Variants in TENM2 observed in about 807,000 individuals in gnomAD.
The protein encoded by TENM2 is teneurin-2.
TENM2 carries 52 observed loss-of-function variants against 245.2 expected under a neutral mutation model. The observed-to-expected ratio is 0.21, with a 90% CI of 0.17 to 0.27. TENM2 has a LOEUF of 0.27. TENM2 is among the 10% of genes least tolerant of loss of function. The pLI is 1.00. For missense variants in TENM2, 3,046 were observed against 3,666.8 expected, an observed-to-expected ratio of 0.83 and a Z score of 4.37; for synonymous variants, 1,363 against 1,438.9, an observed-to-expected ratio of 0.95 and a Z score of 1.19.
chr5:167,317,388 A>G (rs1350941979), intron 1 of TENM2, among the ~76,000 whole-genome samples: 1 of 152,058 alleles, frequency 6.6e-6, no homozygotes, highest in Non-Finnish European at 1.5e-5. Flanking sequence ...TCATCCTACC[A>G]TAGAATGGAG....
chr5:167,786,086 C>T (rs1299140516), intron 2 of TENM2, among the ~76,000 whole-genome samples: 1 of 152,164 alleles, frequency 6.6e-6, no homozygotes, highest in Non-Finnish European at 1.5e-5. Flanking sequence ...TCAGAATTTC[C>T]CAATCTTTTC....
chr5:167,478,866 C>G (rs1289615908), intron 2 of TENM2, among the ~76,000 whole-genome samples: 1 of 152,258 alleles, frequency 6.6e-6, no homozygotes, highest in East Asian at 1.9e-4. Flanking sequence ...TAGCCCCACC[C>G]CTTAATGTTC....
At chr5:168,084,495 G>T (rs1376419270) in intron 7 of TENM2, among the ~76,000 whole-genome samples, 1 of 152,174 alleles carries the variant, frequency 6.6e-6, no homozygotes, top group Non-Finnish European at 1.5e-5. Context: ...TTTACATTTT[G>T]ATAGAGGTAT....
chr5:167,851,720 A>G (rs1770596131), intron 2 of TENM2, among the ~76,000 whole-genome samples: 6 of 152,162 alleles, frequency 3.9e-5, no homozygotes, highest in Admixed American at 3.9e-4. Context: ...TCTGCTGAGG[A>G]CCGCCAGAGA....
chr5:167,266,921 T>G, the TENM2 span, among the ~76,000 whole-genome samples: 6 of 152,190 alleles, frequency 3.9e-5, no homozygotes, highest in African/African-American at 9.6e-5. Flanking sequence ...TATCTTCAGT[T>G]GTGGTGTGTG....
the TENM2 span, among the ~76,000 whole-genome samples, chr5:166,998,899 T>C: frequency 3.3e-5 from 5 of 151,998 alleles, no homozygotes; most frequent in Non-Finnish European, 7.4e-5. Context: ...TGCTTCAAAA[T>C]AATATTAGGA....
intron 7 of TENM2, among the ~76,000 whole-genome samples, chr5:168,072,778 C>A (rs370100301): frequency 6.6e-6 from 1 of 152,144 alleles, no homozygotes; most frequent in South Asian, 2.1e-4. Context: ...ATGGTAAGCA[C>A]CCCATGGAGA....
intron 20 of TENM2, among the ~76,000 whole-genome samples, chr5:168,212,320 C>A (rs1396031557): frequency 6.6e-6 from 1 of 152,144 alleles, no homozygotes; most frequent in Non-Finnish European, 1.5e-5. Flanking sequence ...TTTGTCAAAA[C>A]CGCCTTGGTC....
At chr5:167,078,254 C>A in the TENM2 span, among the ~76,000 whole-genome samples, 1 of 151,936 alleles carries the variant, frequency 6.6e-6, no homozygotes, top group Admixed American at 6.6e-5. Context: ...GAGGCTAAGA[C>A]GGGTGGATCT....
intron 19 of TENM2, 78 bp downstream of exon 21, chr5:168,204,699 G>A: frequency 1.3e-6 from 2 of 1,540,936 alleles, no homozygotes; most frequent in South Asian, 1.2e-5. Context: ...AACTGGGGCT[G>A]CATTTGGGAT....
chr5:167,668,042 TG>T (rs1254824008), intron 2 of TENM2, among the ~76,000 whole-genome samples: 1 of 152,196 alleles, frequency 6.6e-6, no homozygotes, highest in Non-Finnish European at 1.5e-5. Context: ...CATTGGCCCT[TG>T]ATGGCACAAT....
intron 5 of TENM2, among the ~76,000 whole-genome samples, chr5:168,011,075 T>C (rs982813886): frequency 6.6e-6 from 1 of 152,222 alleles, no homozygotes; most frequent in Non-Finnish European, 1.5e-5. Context: ...AGTCCAAATA[T>C]TATCACTCCT....
intron 2 of TENM2, among the ~76,000 whole-genome samples, chr5:167,507,237 T>C (rs553860460): frequency 5.3e-5 from 8 of 152,338 alleles, no homozygotes; most frequent in African/African-American, 1.9e-4. Flanking sequence ...TTTTAAACTG[T>C]ATTACCCATA....
At chr5:166,995,575 T>C in the TENM2 span, among the ~76,000 whole-genome samples, 2 of 151,934 alleles carry the variant, frequency 1.3e-5, no homozygotes, top group African/African-American at 4.8e-5. Flanking sequence ...AATGGTTGAA[T>C]GAGTTAGGAG....
chr5:167,971,027 G>A (rs965226167), intron 4 of TENM2, among the ~76,000 whole-genome samples: 2 of 152,206 alleles, frequency 1.3e-5, no homozygotes, highest in African/African-American at 4.8e-5. Context: ...TAAAAGCAGT[G>A]TTACAATGGG....
chr5:168,227,549 A>AAT (rs1434588891), intron 24 of TENM2, among the ~76,000 whole-genome samples: 3 of 149,900 alleles, frequency 2.0e-5, no homozygotes, highest in African/African-American at 7.3e-5. Flanking sequence ...TATAAGCTAA[A>AAT]ATATATATGT....
chr5:167,622,821 G>A (rs888311167), intron 2 of TENM2, among the ~76,000 whole-genome samples: 1 of 152,092 alleles, frequency 6.6e-6, no homozygotes. Context: ...CAGGAGGGTG[G>A]GGATTCCTTC....
At chr5:167,466,687 T>C (rs1234363913) in intron 2 of TENM2, among the ~76,000 whole-genome samples, 2 of 152,226 alleles carry the variant, frequency 1.3e-5, no homozygotes, top group African/African-American at 2.4e-5. Context: ...ATATTATTTT[T>C]AATGGAAAAT....
At chr5:167,476,602 G>GT (rs921194458) in intron 2 of TENM2, among the ~76,000 whole-genome samples, 7 of 151,960 alleles carry the variant, frequency 4.6e-5, no homozygotes, top group Admixed American at 1.3e-4. Flanking sequence ...TTGTTTTTTT[G>GT]TTTTTTTGTT....
Sources: gnomAD v4.1 joint callset for allele counts (sites outside exome capture counted in the v4.1 genomes callset) on GRCh38, gnomAD v4.1.1 for gene constraint, MANE v1.5 for transcripts, NCBI Gene and HGNC (gene_info 2026-07-23, HGNC 2026-07-21) for gene names.